The following C8orf34 variants were observed in gnomAD, a reference collection of about 807,000 sequenced individuals.
The protein encoded by C8orf34 is uncharacterized protein C8orf34.
Under a neutral mutation model 68.3 loss-of-function variants are expected in C8orf34, and 65 were observed. The ratio of observed to expected loss-of-function variants is 0.95; its 90% CI spans 0.78 to 1.17. C8orf34 has a LOEUF of 1.17. Among genes scored for constraint, C8orf34 ranks in the 50% most tolerant of loss-of-function variants. The probability of loss-of-function intolerance (pLI) is 0.00; values close to 1 mark genes in which losing one functional copy is unlikely to be tolerated. For missense variants in C8orf34, 664 were observed against 655.4 expected, an observed-to-expected ratio of 1.01 and a Z score of -0.14; for synonymous variants, 244 against 241.2, an observed-to-expected ratio of 1.01 and a Z score of -0.11.
At chr8:68,357,403 GA>G (rs1385264231) in intron 1 of C8orf34, among the ~76,000 whole-genome samples, 7 of 152,086 alleles carry the variant, frequency 4.6e-5, no homozygotes, top group Non-Finnish European at 7.4e-5. Flanking sequence ...TAACCTTTAT[GA>G]AATGTTTGGC....
chr8:68,796,222 A>G (rs1173907410), intron 12 of C8orf34, among the ~76,000 whole-genome samples: 2 of 152,160 alleles, frequency 1.3e-5, no homozygotes, highest in East Asian at 1.9e-4. Flanking sequence ...TTAATGTTCT[A>G]TGGGTTGTTG....
intron 8 of C8orf34, among the ~76,000 whole-genome samples, chr8:68,700,145 C>G (rs1364023782): frequency 1.3e-5 from 2 of 151,850 alleles, no homozygotes; most frequent in Non-Finnish European, 2.9e-5. Context: ...CCGACAAATA[C>G]CAAAAACCCA....
chr8:68,763,104 G>C (rs930111519), intron 10 of C8orf34, among the ~76,000 whole-genome samples: 2 of 152,184 alleles, frequency 1.3e-5, no homozygotes, highest in Admixed American at 1.3e-4. Flanking sequence ...CTTGGAGTAA[G>C]ATGGACTTAT....
At chr8:68,492,501 G>T (rs1279599801) in intron 5 of C8orf34, among the ~76,000 whole-genome samples, 1 of 151,962 alleles carries the variant, frequency 6.6e-6, no homozygotes, top group East Asian at 1.9e-4. Flanking sequence ...GGGATTTTGT[G>T]CATGAGCCAC....
At chr8:68,451,659 A>G (rs1023185607) in intron 3 of C8orf34, among the ~76,000 whole-genome samples, 6 of 152,078 alleles carry the variant, frequency 3.9e-5, no homozygotes, top group Admixed American at 3.9e-4. Flanking sequence ...ACCATCTTAC[A>G]TGGGTGTGGT....
intron 7 of C8orf34, among the ~76,000 whole-genome samples, chr8:68,637,944 A>C (rs2130724803): frequency 6.6e-6 from 1 of 152,290 alleles, no homozygotes; most frequent in South Asian, 2.1e-4. Context: ...TAGTGTTAGA[A>C]AGTGATTATG....
chr8:68,730,638 T>G (rs895882246), intron 10 of C8orf34, among the ~76,000 whole-genome samples: 5 of 152,198 alleles, frequency 3.3e-5, no homozygotes, highest in African/African-American at 7.2e-5. Flanking sequence ...AATAAATGTT[T>G]AAACATTGAT....
intron 10 of C8orf34, among the ~76,000 whole-genome samples, chr8:68,746,149 G>A (rs1354383586): frequency 5.3e-5 from 8 of 152,112 alleles, no homozygotes; most frequent in African/African-American, 1.2e-4. Flanking sequence ...GGTACATAAC[G>A]AAATGAAGGC....
chr8:68,553,276 T>A (rs1480629120), intron 7 of C8orf34, among the ~76,000 whole-genome samples: 23 of 151,182 alleles, frequency 1.5e-4, no homozygotes, highest in Admixed American at 1.5e-3. Context: ...TCCTAGCTAC[T>A]TGGGAGGCTG....
At chr8:68,693,507 G>T (rs1186044611) in intron 8 of C8orf34, among the ~76,000 whole-genome samples, 1 of 152,094 alleles carries the variant, frequency 6.6e-6, no homozygotes, top group African/African-American at 2.4e-5. Context: ...AGTTTCTTGT[G>T]CATGAGAGGA....
intron 3 of C8orf34, among the ~76,000 whole-genome samples, chr8:68,462,610 T>C (rs1811894610): frequency 6.6e-6 from 1 of 151,674 alleles, no homozygotes; most frequent in Non-Finnish European, 1.5e-5. Flanking sequence ...CACAGTGCAA[T>C]CAAACTAGAA....
At chr8:68,762,044 C>T (rs1487276037) in intron 10 of C8orf34, among the ~76,000 whole-genome samples, 2 of 152,202 alleles carry the variant, frequency 1.3e-5, no homozygotes, top group Admixed American at 6.5e-5. Flanking sequence ...ACTGCTCTCA[C>T]TCACCCCCTT....
At position 68,474,102 on chromosome 8, in the gene C8orf34, C is replaced by A. The variant is rs570994651; in HGVS notation, c.736+5282C>A. 2.0e-5 allele frequency among the ~76,000 whole-genome samples: 3 copies of A among 152,296 alleles called. No individual in the cohort carries two copies. The East Asian group carries it at 5.8e-4, about 29-fold the overall frequency. ...CTCTCCATTCAACCTCATTCACCCT[C>A]CTCATTTATCACCCCTACGCAGCTA... On this transcript the variant is annotated intron_variant, in intron 4 of 13. Coordinates refer to ENST00000518698, the MANE Select transcript of C8orf34 (RefSeq NM_052958.4).
At chr8:68,600,999 A>G (rs1461486702) in intron 7 of C8orf34, among the ~76,000 whole-genome samples, 3 of 152,158 alleles carry the variant, frequency 2.0e-5, no homozygotes, top group African/African-American at 4.8e-5. Context: ...CCCACATATA[A>G]GTGAAAACAT....
intron 10 of C8orf34, among the ~76,000 whole-genome samples, chr8:68,766,622 G>A (rs947663468): frequency 3.9e-5 from 6 of 152,068 alleles, no homozygotes; most frequent in East Asian, 1.9e-4. Flanking sequence ...TATCTAGACC[G>A]AAAGCTTTGG....
intron 7 of C8orf34, among the ~76,000 whole-genome samples, chr8:68,605,348 G>T (rs566103436): frequency 7.9e-4 from 120 of 152,152 alleles, no homozygotes; most frequent in Non-Finnish European, 1.5e-3. Flanking sequence ...TTCGGCAATT[G>T]CACTCCTTGG....
intron 11 of C8orf34, among the ~76,000 whole-genome samples, chr8:68,780,026 C>T (rs1823630417): frequency 6.6e-6 from 1 of 152,052 alleles, no homozygotes; most frequent in Non-Finnish European, 1.5e-5. Flanking sequence ...CCAATGATTT[C>T]AAAGAATTAA....
intron 7 of C8orf34, among the ~76,000 whole-genome samples, chr8:68,632,066 T>C (rs1818705546): frequency 6.6e-6 from 1 of 152,162 alleles, no homozygotes; most frequent in South Asian, 2.1e-4. Context: ...TTTGGAGGGC[T>C]CAGAAGAAGA....
At chr8:68,709,476 A>G (rs1821271037) in intron 9 of C8orf34, among the ~76,000 whole-genome samples, 1 of 152,086 alleles carries the variant, frequency 6.6e-6, no homozygotes, top group Admixed American at 6.6e-5. Context: ...TTCTCACGTC[A>G]TTGATCCAGT....
Sources: gnomAD v4.1 joint callset for allele counts (sites outside exome capture counted in the v4.1 genomes callset) on GRCh38, gnomAD v4.1.1 for gene constraint, MANE v1.5 for transcripts, NCBI Gene and HGNC (gene_info 2026-07-23, HGNC 2026-07-21) for gene names.